LRRC69: variants seen among roughly 807,000 people sequenced by gnomAD.
LRRC69 encodes leucine rich repeat containing 69.
In LRRC69, 42 loss-of-function variants were observed where a neutral mutation model predicts 37.8. That is an observed-to-expected ratio of 1.11 (90% CI 0.87 to 1.44). The LOEUF (loss-of-function observed/expected upper bound fraction) is 1.44, where lower values mean the gene tolerates loss of function less well. Among genes scored for constraint, LRRC69 ranks in the 40% most tolerant of loss-of-function variants. The probability of loss-of-function intolerance (pLI) is 0.00; values close to 1 mark genes in which losing one functional copy is unlikely to be tolerated. For missense variants in LRRC69, 357 were observed against 401.9 expected, an observed-to-expected ratio of 0.89 and a Z score of 0.96; for synonymous variants, 141 against 143.1, an observed-to-expected ratio of 0.99 and a Z score of 0.11.
chr8:91,157,952 A>T (rs1374467967), intron 5 of LRRC69: 1 of 1,437,632 alleles, frequency 7.0e-7, no homozygotes, highest in East Asian at 2.3e-5. Flanking sequence ...CACGTTCCGT[A>T]TTCCAGTGGA....
chr8:91,192,314 A>G (rs528183284), intron 6 of LRRC69, among the ~76,000 whole-genome samples: 1 of 152,072 alleles, frequency 6.6e-6, no homozygotes, highest in Non-Finnish European at 1.5e-5. Context: ...ATACGTGTGC[A>G]TGTGTCTTTA....
chr8:91,150,759 C>T (rs1235317867), intron 5 of LRRC69, among the ~76,000 whole-genome samples: 2 of 151,934 alleles, frequency 1.3e-5, no homozygotes, highest in Non-Finnish European at 2.9e-5. Flanking sequence ...GCCTCAATTT[C>T]AGAGCCTGTT....
In LRRC69 at chr8:91,102,785, C is replaced by G. The variant is rs767273922; in HGVS notation, c.124C>G (p.Leu42Val). ...AGGAAAACTGCCTGGCCTGAAGACT[C>G]TAGTCCTTCAGAATAACCTAATCCC... Residue 42 changes from leucine to valine, a missense_variant, in exon 1 of 8, where the codon CTA becomes GTA. By Grantham distance (32) the Leu-to-Val change is conservative. Coordinates refer to ENST00000448384, the Ensembl canonical transcript of LRRC69. 9 of 1,551,864 alleles carry G rather than the reference C, an allele frequency of 5.8e-6. No individual in the cohort carries two copies. In the South Asian group the frequency reaches 9.5e-5, roughly 16 times the overall value.
At chr8:91,131,411 G>A (rs991423283) in intron 3 of LRRC69, among the ~76,000 whole-genome samples, 9 of 151,682 alleles carry the variant, frequency 5.9e-5, no homozygotes, top group Admixed American at 1.3e-4. Context: ...GTCAAAATTT[G>A]TATTTGAATC....
chr8:91,111,810 T>C (rs1359547666), intron 1 of LRRC69, among the ~76,000 whole-genome samples: 1 of 151,806 alleles, frequency 6.6e-6, no homozygotes, highest in Non-Finnish European at 1.5e-5. Flanking sequence ...GACGAAATAG[T>C]CTGTGCAACA....
At chr8:91,176,134 A>ATATATATATATATATTTTTTT in intron 5 of LRRC69, among the ~76,000 whole-genome samples, 6 of 75,698 alleles carry the variant, frequency 7.9e-5, no homozygotes, top group East Asian at 3.4e-4. Flanking sequence ...ATATATATAT[A>ATATATATATATATATTTTTTT]TTTTTTTTTT....
At chr8:91,140,147 A>G (rs1047658877) in intron 5 of LRRC69, among the ~76,000 whole-genome samples, 7 of 151,422 alleles carry the variant, frequency 4.6e-5, no homozygotes, top group Non-Finnish European at 1.0e-4. Context: ...GGCATTATCA[A>G]TGTATCAATA....
chr8:91,149,530 C>G (rs577819274), intron 5 of LRRC69, among the ~76,000 whole-genome samples: 2 of 152,004 alleles, frequency 1.3e-5, no homozygotes, highest in East Asian at 3.9e-4. Flanking sequence ...ATGCCTCCAG[C>G]TTTGTTCTTT....
At chr8:91,112,995 TACTC>T (rs1268769400) in intron 1 of LRRC69, among the ~76,000 whole-genome samples, 2 of 151,892 alleles carry the variant, frequency 1.3e-5, no homozygotes, top group African/African-American at 2.4e-5. Context: ...AATAATAAAG[TACTC>T]ACAAACAACC....
intron 7 of LRRC69, among the ~76,000 whole-genome samples, chr8:91,216,489 T>C (rs1283820630): frequency 6.6e-6 from 1 of 152,184 alleles, no homozygotes; most frequent in Non-Finnish European, 1.5e-5. Context: ...TCTTGGTTCT[T>C]GGCTCTATTA....
intron 5 of LRRC69, among the ~76,000 whole-genome samples, chr8:91,169,595 T>C (rs1809089726): frequency 6.7e-6 from 1 of 150,352 alleles, no homozygotes; most frequent in South Asian, 2.1e-4. Context: ...TATGTATACA[T>C]GTGCCATGCT....
chr8:91,197,451 G>A (rs896190537), intron 6 of LRRC69, among the ~76,000 whole-genome samples: 11 of 152,118 alleles, frequency 7.2e-5, no homozygotes, highest in Admixed American at 2.6e-4. Context: ...CCTCGCTGCC[G>A]CCTCGCAGTT....
intron 5 of LRRC69, among the ~76,000 whole-genome samples, chr8:91,140,257 C>A (rs986027281): frequency 1.3e-5 from 2 of 151,904 alleles, no homozygotes; most frequent in Non-Finnish European, 2.9e-5. Context: ...TTCTCACATA[C>A]AATTTTTTGA....
chr8:91,126,730 G>T (rs969885839), intron 2 of LRRC69, among the ~76,000 whole-genome samples: 3 of 151,942 alleles, frequency 2.0e-5, no homozygotes, highest in Non-Finnish European at 4.4e-5. Context: ...AAGAGAGAGC[G>T]GGTAAGATAT....
At position 91,126,036 on chromosome 8, in the gene LRRC69, G is replaced by T. The variant is rs192663269; in HGVS notation, c.311-1052G>T. Among the ~76,000 whole-genome samples, 365 of 151,992 alleles carry T rather than the reference G, an allele frequency of 2.4e-3. 4 individuals carry two copies. Among genetic ancestry groups the T allele is most frequent in the African/African-American group, 8.4e-3 (350 of 41,516 alleles). On this transcript the variant is annotated intron_variant, in intron 2 of 7. Transcript: ENST00000448384. ...GAGTTGGGAACATTCTTGACTTGGG[G>T]TTATTGAACTTTGAAAATCCCATGT... is the stretch of plus-strand genomic sequence containing the variant.
At chr8:91,210,254 A>G (rs977978435) in intron 7 of LRRC69, among the ~76,000 whole-genome samples, 1 of 152,164 alleles carries the variant, frequency 6.6e-6, no homozygotes, top group South Asian at 2.1e-4. Flanking sequence ...AAATCTATCA[A>G]ATAATAGAAT....
At chr8:91,157,001 C>T (rs1808847363) in intron 5 of LRRC69, among the ~76,000 whole-genome samples, 1 of 150,916 alleles carries the variant, frequency 6.6e-6, no homozygotes, top group African/African-American at 2.4e-5. Context: ...CAGTTCTATG[C>T]TGTTTTGGTT....
chr8:91,128,089 C>T (rs1425675692), intron 3 of LRRC69, among the ~76,000 whole-genome samples: 1 of 151,930 alleles, frequency 6.6e-6, no homozygotes, highest in East Asian at 1.9e-4. Context: ...TGCTTTTTTA[C>T]AAATTCAGCT....
chr8:91,126,103 A>G (rs1251177816), intron 2 of LRRC69, among the ~76,000 whole-genome samples: 2 of 151,948 alleles, frequency 1.3e-5, no homozygotes, highest in Admixed American at 1.3e-4. Context: ...CTGATGATTC[A>G]AGGTCAGAAG....
Sources: gnomAD v4.1 joint callset for allele counts (sites outside exome capture counted in the v4.1 genomes callset) on GRCh38, gnomAD v4.1.1 for gene constraint, MANE v1.5 for transcripts, NCBI Gene and HGNC (gene_info 2026-07-23, HGNC 2026-07-21) for gene names.